The following NCOR2 variants were observed in gnomAD, a reference collection of about 807,000 sequenced individuals.
NCOR2 encodes CTG repeat protein 26.
NCOR2 carries 81 observed loss-of-function variants against 262.9 expected under a neutral mutation model. The ratio of observed to expected loss-of-function variants is 0.31; its 90% confidence interval spans 0.26 to 0.37. NCOR2 has a LOEUF of 0.37. NCOR2 is among the 10% of genes least tolerant of loss of function. The pLI is 1.00. For synonymous variants in NCOR2, 1,659 were observed against 1,559.3 expected (o/e 1.06, Z -1.51); for missense variants, 3,385 against 3,621.4 (o/e 0.93, Z 1.68).
exon 37 of NCOR2, chr12:124,340,165 C>A (rs757135602): frequency 6.5e-7 from 1 of 1,543,602 alleles, no homozygotes. Flanking sequence ...GCTGCTGCTG[C>A]CCCCACCCCC....
chr12:124,474,253 T>C (rs1230308293), intron 3 of NCOR2, among the ~76,000 whole-genome samples: 5 of 152,220 alleles, frequency 3.3e-5, no homozygotes. Context: ...AGAAAACATA[T>C]GTTCCCAAAC....
At chr12:124,366,187 A>G (rs2039022001) in intron 20 of NCOR2, among the ~76,000 whole-genome samples, 1 of 152,162 alleles carries the variant, frequency 6.6e-6, no homozygotes, top group Admixed American at 6.5e-5. Flanking sequence ...GGCAGAGACA[A>G]CCCGACATCC....
chr12:124,427,464 C>T lies in NCOR2; in HGVS notation c.1150-664G>A, dbSNP rs140809003. 3.5e-4 allele frequency among the ~76,000 whole-genome samples: 53 copies of T among 152,346 alleles called. No individual in the cohort carries two copies. The East Asian group carries it at 7.7e-3, about 22-fold the overall frequency. ...TCACTTCCCCAAATCTCGCAGCCAG[C>T]CAATTACTGGCGATTAATTACCCAT... On this transcript the variant is annotated intron_variant, in intron 10 of 46. Transcript: ENST00000405201.
In NCOR2 at chr12:124,566,577, C is replaced by T. The variant is rs1057247883; in HGVS notation, c.-165+731G>A. 6.6e-6 allele frequency among the ~76,000 whole-genome samples: 1 copy of T among 152,254 alleles called. No homozygotes were observed. Among genetic ancestry groups the T allele is most frequent in the Non-Finnish European group, 1.5e-5 (1 of 68,042 alleles). ...AAGGGTCTGGGTCTTCCCAGTCGTG[C>T]CCAAGTGGGATCAGCTCTGAATTCC... is the stretch of plus-strand genomic sequence containing the variant. On this transcript the variant is annotated intron_variant, in intron 1 of 32. Coordinates refer to the NCOR2 transcript ENST00000458234. The surrounding 1 kb of genome is among the most constrained non-coding windows in gnomAD (Gnocchi z 4.3).
intron 1 of NCOR2, among the ~76,000 whole-genome samples, chr12:124,526,559 A>G (rs1287314887): frequency 6.6e-6 from 1 of 152,068 alleles, no homozygotes; most frequent in Admixed American, 6.5e-5. Flanking sequence ...CGAGGACAAG[A>G]CTGCCCCCAG....
intron 16 of NCOR2, among the ~76,000 whole-genome samples, chr12:124,386,812 G>T (rs2040840988): frequency 6.6e-6 from 1 of 152,264 alleles, no homozygotes; most frequent in Non-Finnish European, 1.5e-5. Context: ...CCGGCGAGCT[G>T]CGGCACACAC....
At chr12:124,490,511 G>A (rs2048026998) in intron 1 of NCOR2, among the ~76,000 whole-genome samples, 1 of 152,124 alleles carries the variant, frequency 6.6e-6, no homozygotes, top group Non-Finnish European at 1.5e-5. Context: ...TCCCCAGCAT[G>A]GGAGCTCCCA....
intron 8 of NCOR2, among the ~76,000 whole-genome samples, chr12:124,435,332 G>T (rs752625525): frequency 6.6e-6 from 1 of 152,210 alleles, no homozygotes; most frequent in Non-Finnish European, 1.5e-5. Context: ...CAGATTGGAC[G>T]CTCGTTTCAA....
At position 124,548,650 on chromosome 12, in the gene NCOR2, T is replaced by C. The variant is rs2051612876; in HGVS notation, c.-164-13039A>G. 6.6e-6 allele frequency among the ~76,000 whole-genome samples: 1 copy of C among 152,174 alleles called. No homozygotes were observed. Among genetic ancestry groups the C allele is most frequent in the Non-Finnish European group, 1.5e-5 (1 of 68,030 alleles). ...TTATCTTTACTGTTCCTGTTATTTTTTTCTGTGCTGTTAGGGCGGGGCGGG... is the reference window on the plus strand; with the variant it reads ...TTATCTTTACTGTTCCTGTTATTTTCTTCTGTGCTGTTAGGGCGGGGCGGG... On this transcript the variant is annotated intron_variant, in intron 1 of 32. Coordinates refer to the NCOR2 transcript ENST00000458234. This position sits in a 1 kb window ranked among gnomAD's most constrained non-coding sequence, Gnocchi z 5.1.
chr12:124,336,999 G>C, exon 38 of NCOR2: 1 of 1,510,978 alleles, frequency 6.6e-7, no homozygotes. Flanking sequence ...GGCTTGGCGA[G>C]GAAGGCATGG....
chr12:124,380,368 G>A (rs1240305740), intron 17 of NCOR2, among the ~76,000 whole-genome samples: 1 of 152,216 alleles, frequency 6.6e-6, no homozygotes, highest in Non-Finnish European at 1.5e-5. Context: ...AAAGGGAAAC[G>A]ACTGCTCGTC....
At chr12:124,327,512 G>A (rs778552469) in exon 45 of NCOR2, 1 of 1,613,898 alleles carries the variant, frequency 6.2e-7, no homozygotes, top group South Asian at 1.1e-5. Flanking sequence ...CATTGGCGCT[G>A]AGCGGCGGGG....
In NCOR2 at chr12:124,454,972, A is replaced by G. The variant is rs1257385691; in HGVS notation, c.762+2134T>C. On this transcript the variant is annotated intron_variant, in intron 6 of 46. Coordinates refer to ENST00000405201, the Ensembl canonical transcript of NCOR2. This position sits in a 1 kb window ranked among gnomAD's most constrained non-coding sequence, Gnocchi z 5.6. ...TACAGTGAAATATGATTCAGCCACA[A>G]AAAGGAACGAAGGACCGACCCACGC... Among the ~76,000 whole-genome samples, 1 of 152,230 alleles carries G rather than the reference A, an allele frequency of 6.6e-6. No individual in the cohort carries two copies. The highest frequency in any genetic ancestry group is 1.5e-5 in the Non-Finnish European group (1 of 68,042).
At chr12:124,423,409 G>C (rs942768712) in intron 11 of NCOR2, among the ~76,000 whole-genome samples, 2 of 152,194 alleles carry the variant, frequency 1.3e-5, no homozygotes, top group East Asian at 3.9e-4. Flanking sequence ...ACCAGTGCCC[G>C]ACCTGCCTGG....
At chr12:124,422,745 G>T (rs2043292053) in intron 11 of NCOR2, among the ~76,000 whole-genome samples, 190 bp from the exon 14 acceptor site, 1 of 152,226 alleles carries the variant, frequency 6.6e-6, no homozygotes, top group African/African-American at 2.4e-5. Flanking sequence ...GGACCCAGGG[G>T]TAAGAGAGGG....
At chr12:124,536,568 A>G (rs1222417769), upstream of NCOR2, among the ~76,000 whole-genome samples, 1 of 152,228 alleles carries the variant, frequency 6.6e-6, no homozygotes, top group African/African-American at 2.4e-5. Context: ...AAGATGCCCA[A>G]CGTCATCAGT....
At position 124,338,525 on chromosome 12, in the gene NCOR2, G is replaced by C. The variant is rs552007256; in HGVS notation, c.5688-1345C>G. 4.6e-5 allele frequency among the ~76,000 whole-genome samples: 6 copies of C among 129,756 alleles called. No individual in the cohort carries two copies. The East Asian group carries it at 1.5e-3, about 33-fold the overall frequency. The allele number at this position is 129,756 out of a possible 152,430, so 85.1% of individuals were successfully genotyped here. On this transcript the variant is annotated intron_variant, in intron 37 of 46. Transcript: ENST00000405201. ...TCCATCAAAAAAAAAAAAAAAAAAA[G>C]GTTCCGGGCAGGGAAGGGTGTTGAG...
chr12:124,363,787 T>G lies in NCOR2; in HGVS notation c.2820A>C (p.Pro940=). The change falls in exon 21 of 47, where the codon CCA becomes CCC. Residue 940 remains proline, a synonymous_variant. Transcript: ENST00000405201. ...CAGTCGGGGTGAGGAGGCTGGGCCT[T>G]GGGGACAGCAGCCTGCGGGCACACG... The G allele has an allele frequency of 7.3e-7, 1 of 1,362,026 alleles. No individual in the cohort carries two copies. Among genetic ancestry groups the G allele is most frequent in the South Asian group, 2.1e-5 (1 of 47,872 alleles). The allele number at this position is 1,362,026 out of a possible 1,614,324, so 84.4% of individuals were successfully genotyped here.
At chr12:124,337,400 T>A in intron 37 of NCOR2, 1 of 712,262 alleles carries the variant, frequency 1.4e-6, no homozygotes. Flanking sequence ...AACTTCTGAT[T>A]AAGCAGCTAC....
Sources: gnomAD v4.1 joint callset for allele counts (sites outside exome capture counted in the v4.1 genomes callset) on GRCh38, gnomAD v4.1.1 for gene constraint, Gnocchi (gnomAD v3.1) non-coding constraint, MANE v1.5 for transcripts, NCBI Gene and HGNC (gene_info 2026-07-23, HGNC 2026-07-21) for gene names.